The following IRGQ variants were observed in gnomAD, a reference collection of about 807,000 sequenced individuals.
IRGQ encodes the protein immunity related GTPase Q.
IRGQ carries 5 observed loss-of-function variants against 10.5 expected under a neutral mutation model. The observed-to-expected ratio is 0.48, with a 90% CI of 0.25 to 1.00. IRGQ has a LOEUF of 1.00. IRGQ is among the 50% of genes least tolerant of loss of function. The probability of loss-of-function intolerance (pLI) is 0.16; values close to 1 mark genes in which losing one functional copy is unlikely to be tolerated. For synonymous variants in IRGQ, 418 were observed against 426.0 expected (o/e 0.98, Z 0.23); for missense variants, 792 against 877.7 (o/e 0.90, Z 1.23).
intron 2 of IRGQ, 28 bp downstream of exon 2, chr19:43,594,781 C>T (rs775977024): frequency 4.5e-6 from 7 of 1,571,072 alleles, no homozygotes; most frequent in East Asian, 2.3e-5. Flanking sequence ...TCTCGACTAA[C>T]GGACCCAGCC....
In IRGQ at chr19:43,586,196, G is replaced by A. The variant is rs1008199028; in HGVS notation, c.*5830C>T. 6.6e-6 allele frequency: 1 copy of A among 152,196 alleles called. No individual in the cohort carries two copies. The highest frequency in any genetic ancestry group is 2.1e-4 in the South Asian group (1 of 4,824). The allele number at this position is 152,196 out of a possible 1,614,324, so 9.4% of individuals were successfully genotyped here. On this transcript the variant is annotated 3_prime_UTR_variant, in exon 3 of 3. Coordinates refer to ENST00000422989, the MANE Select transcript of IRGQ (RefSeq NM_001007561.3). The stretch of plus-strand genomic sequence containing the variant: ...CTGCCTTCAAGGGTCTTCCAGCCCT[G>A]TGGTGCCATGCAGACACACTTCAGT...
rs1973094585 is a variant in IRGQ at position 43,593,927 on chromosome 19, C to G, written c.531-560G>C. On this transcript the variant is annotated intron_variant, in intron 2 of 2. Coordinates refer to ENST00000422989, the MANE Select transcript of IRGQ (RefSeq NM_001007561.3). This position sits in a 1 kb window ranked among gnomAD's most constrained non-coding sequence, Gnocchi z 6.4. ...AGGTGAGGCTAAGGAAAAAAGATGACAGTGTACTGGGACAAGGGACTGTCC... is the reference window on the plus strand; with the variant it reads ...AGGTGAGGCTAAGGAAAAAAGATGAGAGTGTACTGGGACAAGGGACTGTCC... Among the ~76,000 whole-genome samples, 1 of 152,074 alleles carries G rather than the reference C, an allele frequency of 6.6e-6. No individual in the cohort carries two copies. The highest frequency in any genetic ancestry group is 1.5e-5 in the Non-Finnish European group (1 of 68,014).
rs1219496023 is a variant in IRGQ at position 43,590,550 on chromosome 19, C to T, written c.*1476G>A. 2.0e-5 allele frequency: 3 copies of T among 152,244 alleles called. No homozygotes were observed. The highest frequency in any genetic ancestry group is 4.4e-5 in the Non-Finnish European group (3 of 68,090). 9.4% of individuals were successfully genotyped at this position (152,244 alleles called of 1,614,324 possible). A position where few individuals can be genotyped will look rare whatever the true frequency, so the allele number is the denominator to read the frequency against. On this transcript the variant is annotated 3_prime_UTR_variant, in exon 3 of 3. Coordinates refer to ENST00000422989, the MANE Select transcript of IRGQ (RefSeq NM_001007561.3). The stretch of plus-strand genomic sequence containing the variant: ...TGCCTGACCACCCATTTGGTGGGCC[C>T]CTGGCTCAATGCAGCACCCTCTATG...
At chr19:43,594,338 G>A (rs1419485284) in intron 2 of IRGQ, among the ~76,000 whole-genome samples, 1 of 152,192 alleles carries the variant, frequency 6.6e-6, no homozygotes, top group Non-Finnish European at 1.5e-5. Flanking sequence ...TAGGGCTTTG[G>A]GAAGCCTGGG....
rs1402688411 is a variant in IRGQ at position 43,585,882 on chromosome 19, C to CA, written c.*6143dup. The CA allele has an allele frequency of 7.2e-5, 11 of 152,292 alleles. No homozygotes were observed. The highest frequency in any genetic ancestry group is 6.5e-4 in the Admixed American group (10 of 15,284). The allele number at this position is 152,292 out of a possible 1,614,324, so 9.4% of individuals were successfully genotyped here. A position where few individuals can be genotyped will look rare whatever the true frequency, so the allele number is the denominator to read the frequency against. On this transcript the variant is annotated 3_prime_UTR_variant, in exon 3 of 3. Transcript: ENST00000422989. ...CTGGAGTCTAGGTTTCCAGCCCAGT[C>CA]AAAATCTCAAGGATCTTTCTTTTCC...
chr19:43,585,533 C>A lies in IRGQ; in HGVS notation c.*6493G>T, dbSNP rs893967150. 3.9e-5 allele frequency: 6 copies of A among 152,198 alleles called. No homozygotes were observed. Among genetic ancestry groups the A allele is most frequent in the African/African-American group, 1.2e-4 (5 of 41,428 alleles). 9.4% of individuals were successfully genotyped at this position (152,198 alleles called of 1,614,324 possible). Reference sequence around the variant, plus strand: ...GGGATTATAGGTGTGAGCCACCACACCCGGCCGCATAAGCACTTTCCAAGC... The same window carrying A: ...GGGATTATAGGTGTGAGCCACCACAACCGGCCGCATAAGCACTTTCCAAGC... On this transcript the variant is annotated 3_prime_UTR_variant, in exon 3 of 3. Coordinates refer to ENST00000422989, the MANE Select transcript of IRGQ (RefSeq NM_001007561.3).
Position 43,594,898 on chromosome 19 carries a change from C to T in IRGQ, c.441G>A (p.Val147=). 6.2e-7 allele frequency: 1 copy of T among 1,613,974 alleles called. No individual in the cohort carries two copies. Among genetic ancestry groups the T allele is most frequent in the Non-Finnish European group, 8.5e-7 (1 of 1,179,932 alleles). ...CGCTGCTGCCGCAGTTCGCCGGTAG[C>T]ACAAACAGATCCGCAGCTCCTAACC... ...SAGLGAADLF[V]LPANCGSSDG... is the part of the protein sequence containing the mutation. Residue 147 remains valine, a synonymous_variant, in exon 2 of 3, where the codon GTG becomes GTA. Transcript: ENST00000422989.
Position 43,588,637 on chromosome 19 carries a change from T to C in IRGQ, c.*3389A>G, listed in dbSNP as rs1214449228. On this transcript the variant is annotated 3_prime_UTR_variant, in exon 3 of 3. Coordinates refer to ENST00000422989, the MANE Select transcript of IRGQ (RefSeq NM_001007561.3). ...AGGAGGCTGAGGCAGGAGAATCACA[T>C]GAACCTGGGAGGCGGAGGTTGCAGT... is the stretch of plus-strand genomic sequence containing the variant. 1 of 151,188 alleles carries C rather than the reference T, an allele frequency of 6.6e-6. No individual in the cohort carries two copies. Among genetic ancestry groups the C allele is most frequent in the Admixed American group, 6.6e-5 (1 of 15,186 alleles). 9.4% of individuals were successfully genotyped at this position (151,188 alleles called of 1,614,324 possible).
intron 2 of IRGQ, among the ~76,000 whole-genome samples, chr19:43,594,386 C>G (rs1230093183): frequency 6.6e-6 from 1 of 152,170 alleles, no homozygotes; most frequent in Admixed American, 6.5e-5. Flanking sequence ...CAAGACCAGC[C>G]TGGGGAAACA....
At position 43,593,145 on chromosome 19, in the gene IRGQ, G is replaced by A. The variant is rs2146098135; in HGVS notation, c.753C>T (p.Gly251=). 2 of 1,557,440 alleles carry A rather than the reference G, an allele frequency of 1.3e-6. No individual in the cohort carries two copies. Among genetic ancestry groups the A allele is most frequent in the Non-Finnish European group, 1.7e-6 (2 of 1,148,966 alleles). The change falls in exon 3 of 3, where the codon GGC becomes GGT. Residue 251 remains glycine (G), a synonymous_variant. Transcript: ENST00000422989. The surrounding 1 kb of genome is among the most constrained non-coding windows in gnomAD (Gnocchi z 6.4). ...CTGTGGGGACCGAAGCAGGCGCAGC[G>A]CCTGGGTCGCCAGGATCCAATCCAA... ...MLLGLDPGDP[G]AAPASVPTAP...
Position 43,595,326 on chromosome 19 carries a change from G to T in IRGQ, c.13C>A (p.Gln5Lys). ...AGGAACAAGGCGGTCACGTCACCCT[G>T]CGGCGGAGGCATGGCTGGAAAGCAA... MPPP[Q>K]GDVTALFLGP... Residue 5 changes from glutamine to lysine, a missense_variant, in exon 2 of 3, where the codon CAG (glutamine) becomes AAG (lysine). Transcript: ENST00000422989. 1 of 1,553,572 alleles carries T rather than the reference G, an allele frequency of 6.4e-7. No individual in the cohort carries two copies.
At chr19:43,595,567 C>G in intron 1 of IRGQ, 1 of 403,010 alleles carries the variant, frequency 2.5e-6, no homozygotes, top group Non-Finnish European at 4.4e-6. Context: ...TCCCTTTCTG[C>G]TTCAAAAACT....
chr19:43,589,756 C>T lies in IRGQ; in HGVS notation c.*2270G>A, dbSNP rs955333079. 6 of 152,084 alleles carry T rather than the reference C, an allele frequency of 3.9e-5. No homozygotes were observed. The highest frequency in any genetic ancestry group is 1.9e-4 in the East Asian group (1 of 5,186). The allele number at this position is 152,084 out of a possible 1,614,324, so 9.4% of individuals were successfully genotyped here. A position where few individuals can be genotyped will look rare whatever the true frequency, so the allele number is the denominator to read the frequency against. ...ATTGCTACAAGGAAACTCAACTGGC[C>T]GAAATGAATAGTGGGGGAATGTGAG... is the stretch of plus-strand genomic sequence containing the variant. On this transcript the variant is annotated 3_prime_UTR_variant, in exon 3 of 3. Transcript: ENST00000422989.
In IRGQ at chr19:43,592,080, A is replaced by ATCGAGAGCC. The variant is rs764863045; in HGVS notation, c.1809_1817dup (p.Leu605_Asp606insGluAlaLeu). 10 of 1,610,560 alleles carry ATCGAGAGCC rather than the reference A, an allele frequency of 6.2e-6. No homozygotes were observed. Among genetic ancestry groups the ATCGAGAGCC allele is most frequent in the Non-Finnish European group, 8.5e-6 (10 of 1,178,014 alleles). On this transcript the variant is annotated inframe_insertion, in exon 3 of 3. Coordinates refer to ENST00000422989, the MANE Select transcript of IRGQ (RefSeq NM_001007561.3). Reference sequence around the variant, plus strand: ...CAGCCTCAGCATCAGCCCGCATCTCATCGAGAGCCTGCAGCAGGACGCCGT... The same window carrying ATCGAGAGCC: ...CAGCCTCAGCATCAGCCCGCATCTCATCGAGAGCCTCGAGAGCCTGCAGCAGGACGCCGT...
Position 43,593,130 on chromosome 19 carries a change from C to T in IRGQ, c.768G>A (p.Ser256=), listed in dbSNP as rs755608843. The T allele has an allele frequency of 5.1e-6, 8 of 1,563,554 alleles. No homozygotes were observed. The highest frequency in any genetic ancestry group is 6.9e-6 in the Non-Finnish European group (8 of 1,151,152). Residue 256 remains serine, a synonymous_variant, in exon 3 of 3, where the codon TCG becomes TCA. Transcript: ENST00000422989. The surrounding 1 kb of genome is among the most constrained non-coding windows in gnomAD (Gnocchi z 6.4). ...GGAAGGGAGTGGGTGCTGTGGGGAC[C>T]GAAGCAGGCGCAGCGCCTGGGTCGC... The part of the protein sequence containing the change: ...DPGDPGAAPA[S]VPTAPTPFPA...
chr19:43,593,402 A>T lies in IRGQ; in HGVS notation c.531-35T>A. The T allele has an allele frequency of 6.8e-7, 1 of 1,481,380 alleles. No individual in the cohort carries two copies. Among genetic ancestry groups the T allele is most frequent in the Non-Finnish European group, 9.0e-7 (1 of 1,114,174 alleles). 91.8% of individuals were successfully genotyped at this position (1,481,380 alleles called of 1,614,324 possible). ...CAAGAAGGGACAGGGTCAAAGGTAG[A>T]AGAGGGGCTGGGTGACATGGACTGG... On this transcript the variant is annotated intron_variant, in intron 2 of 2. Transcript: ENST00000422989. This position sits in a 1 kb window ranked among gnomAD's most constrained non-coding sequence, Gnocchi z 6.4.
Position 43,591,855 on chromosome 19 carries a change from GAAAA to G in IRGQ, c.*167_*170del, listed in dbSNP as rs10682090. The G allele has an allele frequency of 1.1e-5, 5 of 473,690 alleles. No homozygotes were observed. Among genetic ancestry groups the G allele is most frequent in the Non-Finnish European group, 1.4e-5 (4 of 288,758 alleles). The allele number at this position is 473,690 out of a possible 1,614,324, so 29.3% of individuals were successfully genotyped here. A position where few individuals can be genotyped will look rare whatever the true frequency, so the allele number is the denominator to read the frequency against. On this transcript the variant is annotated 3_prime_UTR_variant, in exon 3 of 3. Transcript: ENST00000422989. ...AAGAGACTTCGTCTCACAAAAAAAAGAAAAAAAAAAAAAAAAATCAGGATTCCTG... is the reference window on the plus strand; with the variant it reads ...AAGAGACTTCGTCTCACAAAAAAAAGAAAAAAAAAAAAATCAGGATTCCTG...
rs1409439695 is a variant in IRGQ at position 43,586,478 on chromosome 19, C to G, written c.*5548G>C. The G allele has an allele frequency of 6.6e-6, 1 of 152,200 alleles. No homozygotes were observed. The highest frequency in any genetic ancestry group is 2.4e-5 in the African/African-American group (1 of 41,436). The allele number at this position is 152,200 out of a possible 1,614,324, so 9.4% of individuals were successfully genotyped here. A position where few individuals can be genotyped will look rare whatever the true frequency, so the allele number is the denominator to read the frequency against. ...TCCTCTATGGGCACAGACACACACA[C>G]AAAATTGTCTTGCTTTCTCAGATAT... On this transcript the variant is annotated 3_prime_UTR_variant, in exon 3 of 3. Coordinates refer to ENST00000422989, the MANE Select transcript of IRGQ (RefSeq NM_001007561.3).
chr19:43,594,962 TG>T lies in IRGQ; in HGVS notation c.376del (p.Gln126ArgfsTer10). 1.2e-6 allele frequency: 2 copies of T among 1,614,006 alleles called. No homozygotes were observed. Among genetic ancestry groups the T allele is most frequent in the Non-Finnish European group, 1.7e-6 (2 of 1,179,946 alleles). On this transcript the variant is annotated frameshift_variant, in exon 2 of 3. Coordinates refer to ENST00000422989, the MANE Select transcript of IRGQ (RefSeq NM_001007561.3). LOFTEE classifies it high-confidence loss of function. ...LRPGDSQTAAQARDQTAALLN... is the reference protein window; with the variant it reads ...LRPGDSQTAAXARDQTAALLN... ...CAGAGCTGCTGTCTGATCACGGGCCTGGGCGGCAGTCTGTGAATCCCCAGGA... is the reference window on the plus strand; with the variant it reads ...CAGAGCTGCTGTCTGATCACGGGCCTGGCGGCAGTCTGTGAATCCCCAGGA...
Sources: allele counts gnomAD v4.1 joint callset (sites outside exome capture counted in the v4.1 genomes callset), GRCh38; gene constraint gnomAD v4.1.1; non-coding constraint Gnocchi (gnomAD v3.1); transcripts MANE v1.5; gene names NCBI Gene and HGNC (gene_info 2026-07-23, HGNC 2026-07-21).